Variants in HDAC9 observed in about 807,000 individuals in gnomAD.
HDAC9 encodes the protein histone deacetylase 9.
In HDAC9, 41 loss-of-function variants were observed where a neutral mutation model predicts 139.4. The observed-to-expected ratio is 0.29, with a 90% confidence interval of 0.23 to 0.38. The LOEUF is 0.38. HDAC9 is among the 10% of genes least tolerant of loss of function. The probability of loss-of-function intolerance (pLI) is 1.00; values close to 1 mark genes in which losing one functional copy is unlikely to be tolerated. For missense variants in HDAC9, 1,147 were observed against 1,297.0 expected (o/e 0.88, Z 1.78); for synonymous variants, 517 against 476.2 (o/e 1.09, Z -1.12).
chr7:18,533,625 A>C (rs1404479264), intron 2 of HDAC9, among the ~76,000 whole-genome samples: 1 of 152,090 alleles, frequency 6.6e-6, no homozygotes, highest in African/African-American at 2.4e-5. Context: ...TGGTTCTAAA[A>C]TTGTATAACA....
chr7:18,844,226 C>T (rs1418740537), intron 21 of HDAC9, among the ~76,000 whole-genome samples: 1 of 152,114 alleles, frequency 6.6e-6, no homozygotes, highest in East Asian at 1.9e-4. Flanking sequence ...TATTGGTTAT[C>T]TAAACATCTA....
chr7:18,168,707 G>A (rs1052338584), intron 2 of HDAC9, among the ~76,000 whole-genome samples: 2 of 152,028 alleles, frequency 1.3e-5, no homozygotes, highest in African/African-American at 2.4e-5. Flanking sequence ...TTTACTTTCT[G>A]TGGTTTTCTG....
chr7:18,717,992 G>A lies in HDAC9; in HGVS notation c.1732-9588G>A, dbSNP rs75701078. Among the ~76,000 whole-genome samples, 5 of 152,182 alleles carry A rather than the reference G, an allele frequency of 3.3e-5. No individual in the cohort carries two copies. In the East Asian group the frequency reaches 5.8e-4, roughly 18 times the overall value. ...ATTAATATATTCATATATGCTATAT[G>A]CTTTACTCATTTCTATGTACAATTC... is the stretch of plus-strand genomic sequence containing the variant. On this transcript the variant is annotated intron_variant, in intron 12 of 25. Transcript: ENST00000686413.
intron 2 of HDAC9, among the ~76,000 whole-genome samples, chr7:18,259,348 G>A (rs1795492349): frequency 6.6e-6 from 1 of 151,886 alleles, no homozygotes; most frequent in African/African-American, 2.4e-5. Context: ...AGATTTTATT[G>A]ATATATGAAG....
Position 18,445,459 on chromosome 7 carries a change from T to C in HDAC9, c.-41-50803T>C, listed in dbSNP as rs1792202221. Among the ~76,000 whole-genome samples the C allele has an allele frequency of 1.3e-5, 2 of 152,232 alleles. 1 individual carries two copies. The highest frequency in any genetic ancestry group is 4.1e-4 in the South Asian group (2 of 4,832). ...CATTAAATAATATCCCTAACTATAT[T>C]GTCAAAGTACTCAAAATTTAATGCT... is the stretch of plus-strand genomic sequence containing the variant. On this transcript the variant is annotated intron_variant, in intron 1 of 3. Coordinates refer to the HDAC9 transcript ENST00000413509.
At chr7:18,404,487 G>A (rs1010944006) in intron 1 of HDAC9, among the ~76,000 whole-genome samples, 2 of 152,194 alleles carry the variant, frequency 1.3e-5, no homozygotes, top group Non-Finnish European at 2.9e-5. Context: ...TAAGGGCTGT[G>A]TCTAACTTGT....
chr7:18,122,223 G>A (rs1784405092), intron 1 of HDAC9, among the ~76,000 whole-genome samples: 1 of 152,186 alleles, frequency 6.6e-6, no homozygotes, highest in African/African-American at 2.4e-5. Flanking sequence ...GAGACCATAT[G>A]CATATTTACC....
At chr7:18,712,427 T>C (rs1784413806) in intron 12 of HDAC9, among the ~76,000 whole-genome samples, 1 of 152,230 alleles carries the variant, frequency 6.6e-6, no homozygotes, top group African/African-American at 2.4e-5. Context: ...TCACTTATTC[T>C]GCAAGTTTAC....
At chr7:18,297,643 G>C (rs1359204627) in intron 1 of HDAC9, among the ~76,000 whole-genome samples, 3 of 152,124 alleles carry the variant, frequency 2.0e-5, no homozygotes. Flanking sequence ...AGGATGTTAT[G>C]GTTTGGCTTG....
At chr7:18,118,432 A>G (rs1784156158) in intron 1 of HDAC9, among the ~76,000 whole-genome samples, 3 of 152,236 alleles carry the variant, frequency 2.0e-5, no homozygotes, top group South Asian at 4.1e-4. Context: ...CTTCATGTAT[A>G]GAACATAGAA....
At chr7:18,904,158 T>G (rs190697644) in intron 22 of HDAC9, among the ~76,000 whole-genome samples, 1 of 152,366 alleles carries the variant, frequency 6.6e-6, no homozygotes, top group Admixed American at 6.5e-5. Flanking sequence ...TAGATAAAGT[T>G]TACTTTCTAC....
At chr7:18,862,415 T>G (rs536921408) in intron 21 of HDAC9, among the ~76,000 whole-genome samples, 51 of 152,282 alleles carry the variant, frequency 3.3e-4, no homozygotes, top group African/African-American at 1.1e-3. Flanking sequence ...CTAAGACAAT[T>G]TACTAAGGTT....
chr7:18,282,623 A>G (rs985350836), intron 2 of HDAC9, among the ~76,000 whole-genome samples: 1 of 152,118 alleles, frequency 6.6e-6, no homozygotes, highest in Non-Finnish European at 1.5e-5. Flanking sequence ...ATTATGTGTA[A>G]TTTGGTGAAG....
intron 12 of HDAC9, among the ~76,000 whole-genome samples, chr7:18,685,083 G>C (rs1782170498): frequency 6.6e-6 from 1 of 152,008 alleles, no homozygotes. Flanking sequence ...TTTATGGAGA[G>C]AAACTGTCCT....
intron 2 of HDAC9, among the ~76,000 whole-genome samples, chr7:18,563,326 C>T: frequency 6.6e-6 from 1 of 152,020 alleles, no homozygotes; most frequent in East Asian, 1.9e-4. Context: ...CTCTCAAAGT[C>T]ATCTTTTTTT....
intron 12 of HDAC9, among the ~76,000 whole-genome samples, chr7:18,670,423 G>A (rs1795600938): frequency 6.6e-6 from 1 of 151,966 alleles, no homozygotes; most frequent in African/African-American, 2.4e-5. Context: ...TAACATCTTT[G>A]AGGCTATAAA....
chr7:18,881,350 T>A (rs1275167868), intron 22 of HDAC9, among the ~76,000 whole-genome samples: 1 of 152,110 alleles, frequency 6.6e-6, no homozygotes, highest in Non-Finnish European at 1.5e-5. Context: ...TCTGTTTGGA[T>A]TCTAAGGTCC....
At chr7:18,339,585 C>G (rs1176188265) in intron 1 of HDAC9, among the ~76,000 whole-genome samples, 1 of 151,238 alleles carries the variant, frequency 6.6e-6, no homozygotes, top group South Asian at 2.1e-4. Context: ...TATTGTACAC[C>G]TTACAGTTAT....
At chr7:18,750,628 T>TCATACTCTGGTCAATCTGC (rs1788360064) in intron 14 of HDAC9, among the ~76,000 whole-genome samples, 1 of 152,184 alleles carries the variant, frequency 6.6e-6, no homozygotes, top group Non-Finnish European at 1.5e-5. Flanking sequence ...CAGAAGGCTT[T>TCATACTCTGGTCAATCTGC]CATACTCTGG....
Sources: allele counts gnomAD v4.1 joint callset (sites outside exome capture counted in the v4.1 genomes callset), GRCh38; gene constraint gnomAD v4.1.1; transcripts MANE v1.5; gene names NCBI Gene and HGNC (gene_info 2026-07-23, HGNC 2026-07-21).